The following LMBRD2 variants were observed in gnomAD, a reference collection of about 807,000 sequenced individuals.
LMBRD2 encodes the protein G protein-coupled receptor-associated protein LMBRD2.
LMBRD2 carries 55 observed loss-of-function variants against 94.4 expected under a neutral mutation model. The observed-to-expected ratio is 0.58, with a 90% CI of 0.47 to 0.73. LMBRD2 has a LOEUF of 0.73. LMBRD2 is among the 30% of genes least tolerant of loss of function. The pLI is 0.00. For synonymous variants in LMBRD2, 246 were observed against 272.4 expected, an observed-to-expected ratio of 0.90 and a Z score of 0.95; for missense variants, 640 against 831.9, an observed-to-expected ratio of 0.77 and a Z score of 2.84.
intron 4 of LMBRD2, among the ~76,000 whole-genome samples, chr5:36,140,687 G>T (rs1484488560): frequency 6.6e-6 from 1 of 152,120 alleles, no homozygotes; most frequent in Admixed American, 6.5e-5. Context: ...TGTTGTTGTT[G>T]TTAGGGAGCA....
chr5:36,135,015 A>G (rs893128743), intron 6 of LMBRD2, among the ~76,000 whole-genome samples: 1 of 152,174 alleles, frequency 6.6e-6, no homozygotes, highest in African/African-American at 2.4e-5. Context: ...TTGTTCTCAT[A>G]CTAGAACACA....
At chr5:36,144,921 T>C (rs1744502228) in intron 1 of LMBRD2, among the ~76,000 whole-genome samples, 1 of 152,218 alleles carries the variant, frequency 6.6e-6, no homozygotes, top group African/African-American at 2.4e-5. Context: ...ATTTCAACTG[T>C]CAATATTTTC....
intron 6 of LMBRD2, among the ~76,000 whole-genome samples, chr5:36,125,076 T>C (rs765673455): frequency 1.9e-4 from 29 of 152,246 alleles, no homozygotes; most frequent in South Asian, 1.5e-3. Flanking sequence ...AGACAAGGAA[T>C]TGTCAGTCTT....
At chr5:36,110,818 T>A (rs1743587169) in intron 14 of LMBRD2, among the ~76,000 whole-genome samples, 1 of 152,072 alleles carries the variant, frequency 6.6e-6, no homozygotes, top group Non-Finnish European at 1.5e-5. Context: ...GATGATTCTT[T>A]AAATTAATGA....
At position 36,149,570 on chromosome 5, in the gene LMBRD2, G is replaced by A. The variant is rs186273513; in HGVS notation, c.-58+1986C>T. ...GAATCCTATCATCATCTAGACAGCA[G>A]GATGGAGAAACAAAGAAGGGTGGAC... On this transcript the variant is annotated intron_variant, in intron 1 of 17. Coordinates refer to ENST00000296603, the MANE Select transcript of LMBRD2 (RefSeq NM_001007527.2). 2.1e-3 allele frequency among the ~76,000 whole-genome samples: 318 copies of A among 152,308 alleles called. 1 individual carries two copies. The highest frequency in any genetic ancestry group is 7.3e-3 in the African/African-American group (303 of 41,556).
At chr5:36,142,716 C>CT (rs878956939) in intron 2 of LMBRD2, 117 bp from the exon 3 acceptor site, 41,192 of 390,478 alleles carry the variant, frequency 0.11, 3 homozygotes, top group South Asian at 0.16. Context: ...ATGCTTTATT[C>CT]TTTTTTTTTT....
chr5:36,135,236 G>A (rs546426465), intron 6 of LMBRD2, among the ~76,000 whole-genome samples: 8 of 152,164 alleles, frequency 5.3e-5, no homozygotes, highest in East Asian at 3.9e-4. Flanking sequence ...TAATCTCTCC[G>A]TGCCTCATAT....
chr5:36,099,485 G>A lies in LMBRD2; in HGVS notation c.*4561C>T, dbSNP rs1030712495. ...TACACAGTCTCTCCCCTACAACTTG[G>A]TATGCTAAGTACGGAAGATGCTTGC... On this transcript the variant is annotated 3_prime_UTR_variant, in exon 18 of 18. Coordinates refer to ENST00000296603, the MANE Select transcript of LMBRD2 (RefSeq NM_001007527.2). 1.3e-5 allele frequency: 2 copies of A among 152,048 alleles called. No individual in the cohort carries two copies. Among genetic ancestry groups the A allele is most frequent in the African/African-American group, 4.8e-5 (2 of 41,426 alleles). The allele number at this position is 152,048 out of a possible 1,614,324, so 9.4% of individuals were successfully genotyped here. A position where few individuals can be genotyped will look rare whatever the true frequency, so the allele number is the denominator to read the frequency against.
At chr5:36,106,235 A>G (rs1452452313) in intron 16 of LMBRD2, among the ~76,000 whole-genome samples, 1 of 152,124 alleles carries the variant, frequency 6.6e-6, no homozygotes, top group East Asian at 1.9e-4. Context: ...CCTAGTTTTA[A>G]CTAAGCCTTT....
rs187488604 is a variant in LMBRD2, at chr5:36,142,764, G to A, written c.175-165C>T. The A allele has an allele frequency of 3.0e-3, 1,359 of 446,304 alleles. 15 individuals carry two copies. The highest frequency in any genetic ancestry group is 0.026 in the African/African-American group (1,181 of 45,646). The allele number at this position is 446,304 out of a possible 1,614,324, so 27.6% of individuals were successfully genotyped here. ...GTGTGAGACAGAGTCTCACTCTGTC[G>A]CCCAGGCTGGAGTGCAGTGGCGCGA... On this transcript the variant is annotated intron_variant, in intron 2 of 17. Transcript: ENST00000296603.
rs1270297276 is a variant in LMBRD2 at position 36,129,941 on chromosome 5, A to G, written c.748-5676T>C. 6.6e-5 allele frequency among the ~76,000 whole-genome samples: 10 copies of G among 152,208 alleles called. No homozygotes were observed. The South Asian group carries it at 1.9e-3, about 28-fold the overall frequency. On this transcript the variant is annotated intron_variant, in intron 6 of 17. Transcript: ENST00000296603. Reference sequence around the variant, plus strand: ...CTCAGCAAACTATCGCAAGGACAAAAAAACCAAACACCGCATGTTCTCACT... The same window carrying G: ...CTCAGCAAACTATCGCAAGGACAAAGAAACCAAACACCGCATGTTCTCACT...
intron 1 of LMBRD2, chr5:36,148,022 T>C (rs1744592670): frequency 5.2e-6 from 1 of 190,508 alleles, no homozygotes; most frequent in African/African-American, 2.4e-5. Flanking sequence ...TACTCAGATA[T>C]GTGCAAAATA....
chr5:36,142,547 T>C lies in LMBRD2; in HGVS notation c.227A>G (p.Asn76Ser), dbSNP rs1744436328. The C allele has an allele frequency of 6.2e-7, 1 of 1,611,468 alleles. No homozygotes were observed. Among genetic ancestry groups the C allele is most frequent in the Non-Finnish European group, 8.5e-7 (1 of 1,177,754 alleles). Residue 76 changes from asparagine to serine, a missense_variant, in exon 3 of 18, where the codon AAT (asparagine) becomes AGT (serine). Coordinates refer to ENST00000296603, the MANE Select transcript of LMBRD2 (RefSeq NM_001007527.2). ...TGCGTACAATCCTGTAATGTTGCTA[T>C]TCTCAGGAGGGCTTGAATTTGCAGC... ...HAAANSSPPE[N>S]SNITGLYATA...
At chr5:36,149,546 A>G (rs2111923330) in intron 1 of LMBRD2, among the ~76,000 whole-genome samples, 1 of 152,334 alleles carries the variant, frequency 6.6e-6, no homozygotes, top group African/African-American at 2.4e-5. Context: ...GAACTCCAGG[A>G]ATCCTATCAT....
At chr5:36,128,333 A>T (rs1744055074) in intron 6 of LMBRD2, among the ~76,000 whole-genome samples, 1 of 152,238 alleles carries the variant, frequency 6.6e-6, no homozygotes, top group African/African-American at 2.4e-5. Flanking sequence ...TGCAAAGACT[A>T]TAAAGAATAC....
chr5:36,122,091 C>A (rs1228516692), intron 9 of LMBRD2, among the ~76,000 whole-genome samples, 189 bp downstream of exon 9: 1 of 152,022 alleles, frequency 6.6e-6, no homozygotes. Flanking sequence ...ACAGTGGAAA[C>A]TGATGGATTA....
At chr5:36,144,867 T>A (rs1744500993) in intron 1 of LMBRD2, among the ~76,000 whole-genome samples, 1 of 152,236 alleles carries the variant, frequency 6.6e-6, no homozygotes, top group Admixed American at 6.5e-5. Context: ...TCACATTTAA[T>A]GAACAATTTT....
chr5:36,105,818 T>C (rs907195647), intron 16 of LMBRD2, among the ~76,000 whole-genome samples: 3 of 152,160 alleles, frequency 2.0e-5, no homozygotes, highest in African/African-American at 7.2e-5. Context: ...ATGATTATCA[T>C]ACCAGACAGC....
Position 36,109,994 on chromosome 5 carries a change from A to G in LMBRD2, c.1745-3T>C, listed in dbSNP as rs1192088979. On this transcript the variant is annotated splice_region_variant and splice_polypyrimidine_tract_variant and intron_variant, in intron 14 of 17. Transcript: ENST00000296603. ...TTGCCTTTGCCTTTTTCTCTTCTCT[A>G]AAGACAGAAAAATGATCTCAAATAT... 1 of 1,604,824 alleles carries G rather than the reference A, an allele frequency of 6.2e-7. No individual in the cohort carries two copies. Among genetic ancestry groups the G allele is most frequent in the Non-Finnish European group, 8.5e-7 (1 of 1,172,758 alleles).
Sources: allele counts gnomAD v4.1 joint callset (sites outside exome capture counted in the v4.1 genomes callset), GRCh38; gene constraint gnomAD v4.1.1; transcripts MANE v1.5; gene names NCBI Gene and HGNC (gene_info 2026-07-23, HGNC 2026-07-21).